The following CDC42SE2 variants were observed in gnomAD, a reference collection of about 807,000 sequenced individuals.
The protein encoded by CDC42SE2 is CDC42 small effector protein 2.
Under a neutral mutation model 11.5 loss-of-function variants are expected in CDC42SE2, and 3 were observed. The ratio of observed to expected loss-of-function variants is 0.26; its 90% CI spans 0.12 to 0.67. The LOEUF is 0.67. Ranked by LOEUF, CDC42SE2 falls within the 30% of genes least tolerant of loss-of-function variation. The pLI is 0.80. For synonymous variants in CDC42SE2, 33 were observed against 34.8 expected, an observed-to-expected ratio of 0.95 and a Z score of 0.18; for missense variants, 82 against 106.8, an observed-to-expected ratio of 0.77 and a Z score of 1.02.
At chr5:131,377,369 A>G (rs1246257025) in intron 3 of CDC42SE2, among the ~76,000 whole-genome samples, 1 of 151,664 alleles carries the variant, frequency 6.6e-6, no homozygotes, top group Non-Finnish European at 1.5e-5. Context: ...GTGTTTCGCC[A>G]TGTTGCCCAG....
chr5:131,292,142 G>A (rs1223744645), intron 1 of CDC42SE2, among the ~76,000 whole-genome samples: 1 of 150,360 alleles, frequency 6.7e-6, no homozygotes, highest in Non-Finnish European at 1.5e-5. Context: ...GGGAGGCTGA[G>A]GCAGGAGAAT....
At chr5:131,293,672 T>C (rs541016699) in intron 1 of CDC42SE2, among the ~76,000 whole-genome samples, 1 of 152,168 alleles carries the variant, frequency 6.6e-6, no homozygotes, top group Admixed American at 6.5e-5. Context: ...AAACAAATTT[T>C]CATTGTGTAT....
At chr5:131,259,951 T>C (rs1367517129), upstream of CDC42SE2, among the ~76,000 whole-genome samples, 2 of 152,374 alleles carry the variant, frequency 1.3e-5, no homozygotes, top group East Asian at 1.9e-4. Context: ...ACTATATTGA[T>C]GTAGAACTCA....
chr5:131,282,455 T>C (rs1005934114), intron 1 of CDC42SE2, among the ~76,000 whole-genome samples: 3 of 152,138 alleles, frequency 2.0e-5, no homozygotes, highest in Admixed American at 2.0e-4. Flanking sequence ...TTGTTGGAGG[T>C]AGTATAAATC....
chr5:131,364,223 AAG>A (rs1176669467), intron 3 of CDC42SE2, among the ~76,000 whole-genome samples: 1 of 152,202 alleles, frequency 6.6e-6, no homozygotes, highest in Non-Finnish European at 1.5e-5. Context: ...AGCAAGAAAA[AAG>A]AGGATGACGT....
intron 3 of CDC42SE2, among the ~76,000 whole-genome samples, chr5:131,365,151 G>A (rs565924718): frequency 7.2e-5 from 11 of 152,192 alleles, no homozygotes; most frequent in African/African-American, 2.4e-4. Flanking sequence ...ATAGCTGGGC[G>A]TGGTGTCGCA....
chr5:131,222,481 A>G, the CDC42SE2 span, among the ~76,000 whole-genome samples: 7 of 152,242 alleles, frequency 4.6e-5, no homozygotes, highest in Non-Finnish European at 1.0e-4. Flanking sequence ...CATTATAAGC[A>G]CTGAACATGT....
chr5:131,327,009 T>TA (rs918645635), intron 2 of CDC42SE2, among the ~76,000 whole-genome samples: 2 of 152,220 alleles, frequency 1.3e-5, no homozygotes, highest in African/African-American at 4.8e-5. Flanking sequence ...TGTCATTTTT[T>TA]AACCTGGCAT....
At chr5:131,236,358 A>G in the CDC42SE2 span, among the ~76,000 whole-genome samples, 1 of 152,170 alleles carries the variant, frequency 6.6e-6, no homozygotes, top group Admixed American at 6.5e-5. Flanking sequence ...TTTTACATTT[A>G]AATCTTCGAT....
At chr5:131,210,853 G>A in the CDC42SE2 span, among the ~76,000 whole-genome samples, 1 of 151,932 alleles carries the variant, frequency 6.6e-6, no homozygotes, top group African/African-American at 2.4e-5. Flanking sequence ...TTTTTTGTGT[G>A]TGTGAGATGG....
At position 131,248,202 on chromosome 5, in the gene CDC42SE2, C is replaced by T. The variant is rs190592565; in HGVS notation, n.107+2603C>T. On this transcript the variant is annotated intron_variant and non_coding_transcript_variant, in intron 1 of 3. Coordinates refer to the CDC42SE2 transcript ENST00000502840. ...TTGCCCAGGTTGGAATACAGTGGCG[C>T]GATCCCAGCTCACTACAACCTCTGC... Among the ~76,000 whole-genome samples the T allele has an allele frequency of 1.8e-3, 276 of 151,992 alleles. 1 individual carries two copies. Among genetic ancestry groups the T allele is most frequent in the Non-Finnish European group, 2.1e-3 (140 of 67,910 alleles).
At chr5:131,371,350 G>A (rs1193426948) in intron 3 of CDC42SE2, among the ~76,000 whole-genome samples, 3 of 152,088 alleles carry the variant, frequency 2.0e-5, no homozygotes, top group African/African-American at 7.2e-5. Context: ...GTACCCTAAA[G>A]TTTGGTCTGA....
At chr5:131,260,533 G>C (rs114893271), upstream of CDC42SE2, among the ~76,000 whole-genome samples, 1 of 149,848 alleles carries the variant, frequency 6.7e-6, no homozygotes, top group East Asian at 2.0e-4. Context: ...TGAAGGAGGA[G>C]AGAATCACTT....
chr5:131,365,379 C>T (rs1749823809), intron 3 of CDC42SE2, among the ~76,000 whole-genome samples: 1 of 151,924 alleles, frequency 6.6e-6, no homozygotes, highest in Non-Finnish European at 1.5e-5. Context: ...CTAGAGGGAA[C>T]TCTAGCTGAG....
intron 1 of CDC42SE2, among the ~76,000 whole-genome samples, chr5:131,248,044 A>T (rs1292088499): frequency 6.6e-6 from 1 of 152,144 alleles, no homozygotes; most frequent in Non-Finnish European, 1.5e-5. Flanking sequence ...AAATAGATGG[A>T]AACTTCCTTA....
At chr5:131,381,523 G>A (rs1561436707) in intron 3 of CDC42SE2, among the ~76,000 whole-genome samples, 1 of 151,994 alleles carries the variant, frequency 6.6e-6, no homozygotes, top group Non-Finnish European at 1.5e-5. Flanking sequence ...GGGTTTCACT[G>A]TGTTGGCCAG....
At chr5:131,293,403 T>C (rs543754369) in intron 1 of CDC42SE2, among the ~76,000 whole-genome samples, 123 of 152,118 alleles carry the variant, frequency 8.1e-4, no homozygotes, top group Non-Finnish European at 1.5e-3. Flanking sequence ...GAAACCCTGT[T>C]TCTACTAAAA....
rs149978996 is a variant in CDC42SE2, at chr5:131,361,836, T to C, written c.54+2289T>C. Among the ~76,000 whole-genome samples the C allele has an allele frequency of 5.5e-4, 83 of 152,276 alleles. 1 individual carries two copies. The East Asian group carries it at 0.016, about 29-fold the overall frequency. Reference sequence around the variant, plus strand: ...AACTCCGCCTCATCCAGCCAGTTGATGGCCTGCTGGCATGCTGGTGTCTGT... The same window carrying C: ...AACTCCGCCTCATCCAGCCAGTTGACGGCCTGCTGGCATGCTGGTGTCTGT... On this transcript the variant is annotated intron_variant, in intron 3 of 4. Coordinates refer to ENST00000505065, the MANE Select transcript of CDC42SE2 (RefSeq NM_001375635.1).
At chr5:131,267,347 A>G (rs755650910) in intron 1 of CDC42SE2, among the ~76,000 whole-genome samples, 3 of 150,666 alleles carry the variant, frequency 2.0e-5, no homozygotes, top group Non-Finnish European at 4.4e-5. Context: ...GTGAGCCACC[A>G]CGCCAGGCCA....
Sources: gnomAD v4.1 joint callset for allele counts (sites outside exome capture counted in the v4.1 genomes callset) on GRCh38, gnomAD v4.1.1 for gene constraint, MANE v1.5 for transcripts, NCBI Gene and HGNC (gene_info 2026-07-23, HGNC 2026-07-21) for gene names.